Variants in GLT8D1 observed in about 807,000 individuals in gnomAD.
The protein encoded by GLT8D1 is glycosyltransferase 8 domain-containing protein 1.
Under a neutral mutation model 46.2 loss-of-function variants are expected in GLT8D1, and 41 were observed. The observed-to-expected ratio is 0.89, with a 90% CI of 0.69 to 1.15. The LOEUF (loss-of-function observed/expected upper bound fraction) is 1.15. Ranked by LOEUF, GLT8D1 falls within the 50% of genes most tolerant of loss-of-function variation. The probability of loss-of-function intolerance (pLI) is 0.00; values close to 1 mark genes in which losing one functional copy is unlikely to be tolerated. For missense variants in GLT8D1, 408 were observed against 449.3 expected (o/e 0.91, Z 0.83); for synonymous variants, 150 against 154.2 (o/e 0.97, Z 0.20).
intron 1 of GLT8D1, among the ~76,000 whole-genome samples, chr3:52,704,458 CAAAAAAAAAAA>C (rs60851820): frequency 1.9e-5 from 1 of 53,584 alleles, no homozygotes; most frequent in African/African-American, 6.7e-5. Flanking sequence ...GTCTTCGCCT[CAAAAAAAAAAA>C]AAAAAAAAAA....
intron 1 of GLT8D1, among the ~76,000 whole-genome samples, chr3:52,702,043 T>G (rs1265271888): frequency 2.6e-5 from 4 of 152,154 alleles, no homozygotes; most frequent in Admixed American, 6.5e-5. Flanking sequence ...AGTTCATTTG[T>G]TTTTTTAGAC....
chr3:52,695,110 A>C, intron 9 of GLT8D1, 75 bp from the exon 10 acceptor site: 1 of 1,437,276 alleles, frequency 7.0e-7, no homozygotes. Flanking sequence ...AAGGGAAACA[A>C]AGAATATACC....
intron 1 of GLT8D1, among the ~76,000 whole-genome samples, chr3:52,702,355 G>A (rs546344073): frequency 1.3e-5 from 2 of 152,224 alleles, no homozygotes; most frequent in Admixed American, 1.3e-4. Flanking sequence ...AGACCAGCCT[G>A]GGTAACATTG....
chr3:52,701,031 C>T (rs946907659), intron 1 of GLT8D1, among the ~76,000 whole-genome samples: 3 of 152,130 alleles, frequency 2.0e-5, no homozygotes, highest in Non-Finnish European at 1.5e-5. Flanking sequence ...TGCCATTGCA[C>T]TCCAGCCTGG....
In GLT8D1 at chr3:52,697,900, A is replaced by G. The variant is rs763232579; in HGVS notation, c.150T>C (p.Phe50=). ...SGIVGPQPID[F]VPNALRHAVD... ...CTGCATGTCGGAGAGCATTTGGGAC[A>G]AAGTCTATAGGTTGAGGCCCTACAA... The change falls in exon 4 of 10, where the codon TTT becomes TTC. Residue 50 remains phenylalanine, a synonymous_variant. Transcript: ENST00000266014. The G allele has an allele frequency of 6.2e-7, 1 of 1,613,536 alleles. No individual in the cohort carries two copies. Among genetic ancestry groups the G allele is most frequent in the South Asian group, 1.1e-5 (1 of 91,052 alleles).
At chr3:52,698,205 A>G (rs1195405321) in intron 3 of GLT8D1, among the ~76,000 whole-genome samples, 1 of 152,240 alleles carries the variant, frequency 6.6e-6, no homozygotes, top group Non-Finnish European at 1.5e-5. Flanking sequence ...GGCAATTTGT[A>G]TCAAGAGTTT....
At position 52,700,344 on chromosome 3, in the gene GLT8D1, C is replaced by G. The variant is rs375560836; in HGVS notation, c.33G>C (p.Leu11Phe). 6.2e-7 allele frequency: 1 copy of G among 1,612,918 alleles called. No homozygotes were observed. Among genetic ancestry groups the G allele is most frequent in the Non-Finnish European group, 8.5e-7 (1 of 1,179,162 alleles). The change falls in exon 3 of 10, where the codon TTG becomes TTC. Residue 11 changes from leucine (L) to phenylalanine (F), a missense_variant. Physicochemically the swap from Leu to Phe is conservative, Grantham distance 22 (BLOSUM62 0). Coordinates refer to ENST00000266014, the MANE Select transcript of GLT8D1 (RefSeq NM_018446.4). MSFRKVNIII[L>F]VLAVALFLLV... is the part of the protein sequence containing the mutation. ...GTAAGAAGAGAGCAACAGCCAGGACCAAGATGATGATGTTTACTGAAATAG... is the reference window on the plus strand; with the variant it reads ...GTAAGAAGAGAGCAACAGCCAGGACGAAGATGATGATGTTTACTGAAATAG...
At chr3:52,699,764 GTC>G (rs2097337708) in intron 3 of GLT8D1, among the ~76,000 whole-genome samples, 1 of 152,180 alleles carries the variant, frequency 6.6e-6, no homozygotes, top group East Asian at 1.9e-4. Context: ...AGCTATTACA[GTC>G]TCTCACTCTG....
intron 1 of GLT8D1, among the ~76,000 whole-genome samples, chr3:52,702,441 G>A (rs892474298): frequency 2.0e-5 from 3 of 152,166 alleles, no homozygotes; most frequent in Non-Finnish European, 2.9e-5. Context: ...AAGCATTTGG[G>A]AGGCTAAGGC....
intron 3 of GLT8D1, among the ~76,000 whole-genome samples, chr3:52,698,409 T>TGGTA (rs1266104997): frequency 2.0e-5 from 3 of 152,122 alleles, no homozygotes; most frequent in Admixed American, 6.5e-5. Context: ...AGGCCGGGCA[T>TGGTA]GGTAGGTCAC....
At chr3:52,700,388 A>ATAGGTT in intron 2 of GLT8D1, 28 bp from the exon 3 acceptor site, 1 of 1,587,744 alleles carries the variant, frequency 6.3e-7, no homozygotes, top group Non-Finnish European at 8.6e-7. Context: ...AACCTATGTT[A>ATAGGTT]TACCTCTTTA....
At position 52,697,913 on chromosome 3, in the gene GLT8D1, T is replaced by G; in HGVS notation, c.137A>C (p.Gln46Pro). The G allele has an allele frequency of 6.2e-7, 1 of 1,611,894 alleles. No homozygotes were observed. Among genetic ancestry groups the G allele is most frequent in the South Asian group, 1.1e-5 (1 of 91,036 alleles). The change falls in exon 4 of 10, where the codon CAA becomes CCA. Residue 46 changes from glutamine to proline, a missense_variant. By Grantham distance (76) the Gln-to-Pro change is moderately conservative. Coordinates refer to ENST00000266014, the MANE Select transcript of GLT8D1 (RefSeq NM_018446.4). ...EVTDSGIVGP[Q>P]PIDFVPNALR... is the part of the protein sequence containing the mutation. ...AGCATTTGGGACAAAGTCTATAGGT[T>G]GAGGCCCTACAATTCCTGAATCTGA... is the stretch of plus-strand genomic sequence containing the variant.
At chr3:52,702,801 T>A (rs2097340485) in intron 1 of GLT8D1, among the ~76,000 whole-genome samples, 1 of 151,616 alleles carries the variant, frequency 6.6e-6, no homozygotes, top group Non-Finnish European at 1.5e-5. Flanking sequence ...TTTTTTTTTT[T>A]TTCGAGACAG....
chr3:52,699,457 G>T (rs2097337375), intron 3 of GLT8D1, among the ~76,000 whole-genome samples: 1 of 151,996 alleles, frequency 6.6e-6, no homozygotes, highest in African/African-American at 2.4e-5. Flanking sequence ...GCTAATTTTT[G>T]TATTTTTAGT....
Position 52,695,213 on chromosome 3 carries a change from G to T in GLT8D1, c.902C>A (p.Pro301His). The T allele has an allele frequency of 6.2e-7, 1 of 1,613,020 alleles. No homozygotes were observed. The highest frequency in any genetic ancestry group is 8.5e-7 in the Non-Finnish European group (1 of 1,179,134). The change falls in exon 9 of 10, where the codon CCT (proline) becomes CAT (histidine). Residue 301 changes from proline (P) to histidine (H), a missense_variant. Coordinates refer to ENST00000266014, the MANE Select transcript of GLT8D1 (RefSeq NM_018446.4). The stretch of plus-strand genomic sequence containing the variant: ...ACCAAGGTGGCGGACATTCCACATA[G>T]GATCGATGGTAGAGTGCTGTTGATA... ...VFYQQHSTIDPMWNVRHLGSS... is the reference protein window; with the variant it reads ...VFYQQHSTIDHMWNVRHLGSS...
At chr3:52,698,320 T>C (rs559681852) in intron 3 of GLT8D1, among the ~76,000 whole-genome samples, 1 of 152,298 alleles carries the variant, frequency 6.6e-6, no homozygotes, top group East Asian at 1.9e-4. Context: ...GAATCACAAG[T>C]AGGCATGAAA....
intron 3 of GLT8D1, 129 bp downstream of exon 3, chr3:52,700,132 AT>A: frequency 1.6e-6 from 1 of 620,236 alleles, no homozygotes; most frequent in South Asian, 2.1e-5. Flanking sequence ...GAAAAGGAAT[AT>A]TCTGTCAGAT....
At chr3:52,695,608 T>G in intron 7 of GLT8D1, 21 bp from the exon 8 acceptor site, 1 of 1,442,994 alleles carries the variant, frequency 6.9e-7, no homozygotes, top group South Asian at 1.2e-5. Flanking sequence ...AAATAGGATA[T>G]ATGTACTTAC....
chr3:52,697,395 A>C (rs2097334846), intron 4 of GLT8D1: 2 of 344,298 alleles, frequency 5.8e-6, no homozygotes, highest in Non-Finnish European at 1.1e-5. Flanking sequence ...CATGTCCATG[A>C]AATAAGGAAC....
Sources: allele counts gnomAD v4.1 joint callset (sites outside exome capture counted in the v4.1 genomes callset), GRCh38; gene constraint gnomAD v4.1.1; transcripts MANE v1.5; gene names NCBI Gene and HGNC (gene_info 2026-07-23, HGNC 2026-07-21).